Variants in TP53BP1 observed in about 807,000 individuals in gnomAD.
TP53BP1 encodes the protein tumor protein p53 binding protein 1, also known as TP53-binding protein 1.
A neutral mutation model predicts 200.8 loss-of-function variants in TP53BP1; 61 were observed. The observed-to-expected ratio is 0.30, with a 90% confidence interval of 0.25 to 0.38. TP53BP1 has a LOEUF of 0.38. Ranked by LOEUF, TP53BP1 falls within the 10% of genes least tolerant of loss-of-function variation. The pLI is 1.00. For synonymous variants in TP53BP1, 822 were observed against 844.3 expected (o/e 0.97, Z 0.46); for missense variants, 2,144 against 2,371.9 (o/e 0.90, Z 2.00).
chr15:43,489,528 T>C (rs544598670), intron 4 of TP53BP1, among the ~76,000 whole-genome samples: 2 of 152,336 alleles, frequency 1.3e-5, no homozygotes, highest in Admixed American at 6.5e-5. Flanking sequence ...GCACAAGCAC[T>C]ATGATAAATG....
chr15:43,409,546 A>G (rs2142943030), intron 25 of TP53BP1, 101 bp downstream of exon 25: 1 of 583,100 alleles, frequency 1.7e-6, no homozygotes, highest in East Asian at 3.0e-5. Context: ...ATCTCTGGCT[A>G]CTTTATCCAG....
At chr15:43,462,019 T>C (rs2046446070) in intron 11 of TP53BP1, among the ~76,000 whole-genome samples, 1 of 151,148 alleles carries the variant, frequency 6.6e-6, no homozygotes, top group Non-Finnish European at 1.5e-5. Context: ...GTAATTTTAG[T>C]TAATAAACAT....
intron 11 of TP53BP1, among the ~76,000 whole-genome samples, chr15:43,462,096 C>G (rs1159576442): frequency 6.6e-6 from 1 of 150,432 alleles, no homozygotes; most frequent in East Asian, 2.0e-4. Flanking sequence ...CATTGGGAGG[C>G]TGAGGCAGGT....
chr15:43,409,613 C>T lies in TP53BP1; in HGVS notation c.5400+34G>A, dbSNP rs1361354899. On this transcript the variant is annotated intron_variant, in intron 25 of 27. Coordinates refer to ENST00000382044, the MANE Select transcript of TP53BP1 (RefSeq NM_001141980.3). ...CACAGCAAGTTGGCTCTTATCATTG[C>T]CACTATATTAGGTTACACAAAGAAA... The T allele has an allele frequency of 5.8e-6, 7 of 1,205,510 alleles. No individual in the cohort carries two copies. In the East Asian group the frequency reaches 7.5e-5, roughly 13 times the overall value. 74.7% of individuals were successfully genotyped at this position (1,205,510 alleles called of 1,614,324 possible).
At chr15:43,449,545 C>G (rs1160948176) in intron 12 of TP53BP1, among the ~76,000 whole-genome samples, 1 of 152,178 alleles carries the variant, frequency 6.6e-6, no homozygotes, top group Non-Finnish European at 1.5e-5. Flanking sequence ...TTACTATAAC[C>G]TAATGGAAAA....
Position 43,474,780 on chromosome 15 carries a change from A to G in TP53BP1, c.1086-13T>C. 2 of 1,560,034 alleles carry G rather than the reference A, an allele frequency of 1.3e-6. No homozygotes were observed. Among genetic ancestry groups the G allele is most frequent in the Non-Finnish European group, 1.8e-6 (2 of 1,132,570 alleles). ...ATCTGAAGAATTCCTTTATATAAAG[A>G]GAGAATCACAGGTTATTTTACCATA... On this transcript the variant is annotated splice_polypyrimidine_tract_variant and intron_variant, in intron 9 of 27. Transcript: ENST00000382044.
Position 43,432,519 on chromosome 15 carries a change from G to C in TP53BP1, c.3350C>G (p.Pro1117Arg). The C allele has an allele frequency of 6.2e-7, 1 of 1,614,134 alleles. No individual in the cohort carries two copies. Among genetic ancestry groups the C allele is most frequent in the East Asian group, 2.2e-5 (1 of 44,882 alleles). The change falls in exon 17 of 28, where the codon CCA (proline) becomes CGA (arginine). Residue 1117 changes from proline to arginine, a missense_variant. Coordinates refer to ENST00000382044, the MANE Select transcript of TP53BP1 (RefSeq NM_001141980.3). The part of the protein sequence containing the change: ...PASQKMVIQG[P>R]SSPQGEAMVT... The stretch of plus-strand genomic sequence containing the variant: ...CATTGCCTCTCCTTGAGGACTGGAT[G>C]GCCCTTGTATGACCATCTTCTGGGA...
At chr15:43,481,533 TG>T (rs2140127339) in intron 4 of TP53BP1, among the ~76,000 whole-genome samples, 1 of 151,524 alleles carries the variant, frequency 6.6e-6, no homozygotes, top group Non-Finnish European at 1.5e-5. Flanking sequence ...AGACAGAGTC[TG>T]GGCCGGGCAC....
intron 21 of TP53BP1, among the ~76,000 whole-genome samples, chr15:43,418,437 G>C (rs2045318593): frequency 1.3e-5 from 2 of 151,560 alleles, no homozygotes. Flanking sequence ...AGGAGGCAGA[G>C]GTTGCAGTGA....
At chr15:43,464,869 T>C (rs1170318696) in intron 11 of TP53BP1, among the ~76,000 whole-genome samples, 2 of 151,718 alleles carry the variant, frequency 1.3e-5, no homozygotes, top group Admixed American at 1.3e-4. Flanking sequence ...GATCATGCCA[T>C]TGCACTCCAG....
At chr15:43,476,230 A>T (rs867402169) in intron 8 of TP53BP1, among the ~76,000 whole-genome samples, 21 of 152,116 alleles carry the variant, frequency 1.4e-4, no homozygotes, top group African/African-American at 5.1e-4. Context: ...GCACCACTGC[A>T]CTCCAGCCTG....
At chr15:43,451,369 G>A (rs980599634) in intron 12 of TP53BP1, among the ~76,000 whole-genome samples, 8 of 148,324 alleles carry the variant, frequency 5.4e-5, no homozygotes, top group African/African-American at 2.0e-4. Flanking sequence ...AGAGTGTGAT[G>A]TTCCCCTTCC....
Position 43,432,000 on chromosome 15 carries a change from T to A in TP53BP1, c.3675+194A>T, listed in dbSNP as rs545039950. 2.6e-5 allele frequency among the ~76,000 whole-genome samples: 4 copies of A among 152,320 alleles called. No individual in the cohort carries two copies. In the South Asian group the frequency reaches 8.3e-4, roughly 32 times the overall value. Reference sequence around the variant, plus strand: ...CAATACTACATTTTCCCTAAAAGACTATCTAATGGCTATAGCTACCCACAA... The same window carrying A: ...CAATACTACATTTTCCCTAAAAGACAATCTAATGGCTATAGCTACCCACAA... On this transcript the variant is annotated intron_variant, in intron 17 of 27. Transcript: ENST00000382044.
At chr15:43,412,214 A>G in intron 24 of TP53BP1, among the ~76,000 whole-genome samples, 1 of 152,144 alleles carries the variant, frequency 6.6e-6, no homozygotes, top group East Asian at 1.9e-4. Flanking sequence ...AGTCGGTGAG[A>G]TATAGTTTTG....
intron 24 of TP53BP1, chr15:43,412,541 G>A: frequency 2.6e-6 from 1 of 380,310 alleles, no homozygotes; most frequent in South Asian, 2.0e-5. Flanking sequence ...TAAATGCAAT[G>A]TACAGATTTA....
rs1566961719 is a variant in TP53BP1, at chr15:43,481,030, G to A, written c.372-8C>T. On this transcript the variant is annotated splice_polypyrimidine_tract_variant and splice_region_variant and intron_variant, in intron 4 of 27. Coordinates refer to ENST00000382044, the MANE Select transcript of TP53BP1 (RefSeq NM_001141980.3). ...ACTGACATTCCCAGAACACTACACA[G>A]CAGAAGGATATAATCATGTGTTCCC... 6.2e-7 allele frequency: 1 copy of A among 1,613,662 alleles called. No homozygotes were observed.
intron 23 of TP53BP1, among the ~76,000 whole-genome samples, chr15:43,414,408 G>A (rs1406802873): frequency 2.6e-5 from 4 of 152,220 alleles, no homozygotes; most frequent in African/African-American, 9.6e-5. Context: ...AAACACAGCA[G>A]CAGTTGGGTA....
intron 17 of TP53BP1, among the ~76,000 whole-genome samples, chr15:43,430,293 T>C (rs1317368601): frequency 2.0e-5 from 3 of 152,192 alleles, no homozygotes; most frequent in Non-Finnish European, 2.9e-5. Flanking sequence ...AGGGGATTTT[T>C]AAAAAGCACC....
chr15:43,484,458 G>C, intron 4 of TP53BP1, among the ~76,000 whole-genome samples: 1 of 152,292 alleles, frequency 6.6e-6, no homozygotes. Flanking sequence ...GAGTGACTCT[G>C]TTAAAAATCT....
Sources: allele counts gnomAD v4.1 joint callset (sites outside exome capture counted in the v4.1 genomes callset), GRCh38; gene constraint gnomAD v4.1.1; transcripts MANE v1.5; gene names NCBI Gene and HGNC (gene_info 2026-07-23, HGNC 2026-07-21).